Variants in TAFA2 observed in about 807,000 individuals in gnomAD.
The protein encoded by TAFA2 is chemokine-like protein TAFA-2.
A neutral mutation model predicts 18.8 loss-of-function variants in TAFA2; 7 were observed. The observed-to-expected ratio is 0.37, with a 90% CI of 0.21 to 0.70. The LOEUF is 0.70. Ranked by LOEUF, TAFA2 falls within the 30% of genes least tolerant of loss-of-function variation. The probability of loss-of-function intolerance (pLI) is 0.53; values close to 1 mark genes in which losing one functional copy is unlikely to be tolerated. For missense variants in TAFA2, 122 were observed against 158.1 expected (o/e 0.77, Z 1.23); for synonymous variants, 60 against 54.2 (o/e 1.11, Z -0.47).
At chr12:61,880,101 T>G (rs545048626) in intron 1 of TAFA2, 1 of 630,036 alleles carries the variant, frequency 1.6e-6, no homozygotes, top group African/African-American at 1.8e-5. Flanking sequence ...GACAACATCA[T>G]CACTGAGGTC....
chr12:61,931,803 G>T (rs1877566300), intron 1 of TAFA2, among the ~76,000 whole-genome samples: 1 of 152,020 alleles, frequency 6.6e-6, no homozygotes, highest in Non-Finnish European at 1.5e-5. Context: ...AAATCTTCTG[G>T]AACACAAAAA....
At chr12:61,732,795 T>C (rs977302923) in intron 4 of TAFA2, among the ~76,000 whole-genome samples, 1 of 151,924 alleles carries the variant, frequency 6.6e-6, no homozygotes, top group Non-Finnish European at 1.5e-5. Flanking sequence ...AAGATTTTCC[T>C]GCTAAATGTT....
intron 1 of TAFA2, among the ~76,000 whole-genome samples, chr12:61,947,488 A>AGT (rs1878317672): frequency 6.6e-6 from 1 of 152,048 alleles, no homozygotes. Flanking sequence ...TAAATAAATA[A>AGT]AAAAGAATTT....
intron 2 of TAFA2, among the ~76,000 whole-genome samples, chr12:61,796,397 T>C (rs1357257434): frequency 1.3e-5 from 2 of 152,144 alleles, no homozygotes; most frequent in Non-Finnish European, 2.9e-5. Context: ...CAAATAATTA[T>C]TCTAAGTGAA....
At chr12:61,784,857 T>C (rs1870661490) in intron 2 of TAFA2, among the ~76,000 whole-genome samples, 1 of 151,556 alleles carries the variant, frequency 6.6e-6, no homozygotes, top group Non-Finnish European at 1.5e-5. Context: ...ATTGTATATA[T>C]TTATGGAACA....
chr12:61,759,003 ACAGCCAGGAGCACATGGTGAGTTTCCC>A (rs1565624000), intron 2 of TAFA2, among the ~76,000 whole-genome samples: 1 of 151,990 alleles, frequency 6.6e-6, no homozygotes, highest in Non-Finnish European at 1.5e-5. Context: ...TGGTCCTATA[ACAGCCAGGAGCACATGGTGAGTTTCCC>A]CTGATCTCTC....
intron 1 of TAFA2, among the ~76,000 whole-genome samples, chr12:62,061,335 A>G (rs1425508578): frequency 6.6e-6 from 1 of 152,212 alleles, no homozygotes; most frequent in African/African-American, 2.4e-5. Context: ...TGTACTTACC[A>G]TTATGTTACA....
chr12:61,927,069 GAAAAAAAAAAA>G (rs56908081), intron 1 of TAFA2, among the ~76,000 whole-genome samples: 5 of 69,926 alleles, frequency 7.2e-5, no homozygotes, highest in Admixed American at 2.0e-4. Context: ...GTGAGACTCT[GAAAAAAAAAAA>G]AAAAAAAAAA....
intron 1 of TAFA2, among the ~76,000 whole-genome samples, chr12:61,876,074 T>C (rs963476617): frequency 6.6e-6 from 1 of 152,208 alleles, no homozygotes; most frequent in African/African-American, 2.4e-5. Context: ...CTGTATATAA[T>C]ATTCATAATA....
intron 1 of TAFA2, among the ~76,000 whole-genome samples, chr12:62,010,762 C>G (rs1196578753): frequency 6.6e-6 from 1 of 150,384 alleles, no homozygotes; most frequent in African/African-American, 2.5e-5. Context: ...GCCCGGCCCC[C>G]CCGTCTGGGA....
At chr12:62,002,518 C>A (rs1002431991) in intron 1 of TAFA2, among the ~76,000 whole-genome samples, 6 of 152,182 alleles carry the variant, frequency 3.9e-5, no homozygotes, top group Admixed American at 1.3e-4. Context: ...AATTTCCTAG[C>A]TTAGACTCTC....
chr12:61,844,687 C>T (rs1254438847), intron 2 of TAFA2, among the ~76,000 whole-genome samples: 1 of 152,096 alleles, frequency 6.6e-6, no homozygotes, highest in East Asian at 1.9e-4. Flanking sequence ...TATCACAGCA[C>T]AGTTACAGGA....
chr12:62,235,250 G>T, intron 1 of TAFA2: 1 of 654,294 alleles, frequency 1.5e-6, no homozygotes, highest in Non-Finnish European at 2.8e-6. Context: ...GTGGCATACT[G>T]AACTGTGGCC....
chr12:61,838,542 C>G (rs1181814700), intron 2 of TAFA2, among the ~76,000 whole-genome samples: 1 of 151,926 alleles, frequency 6.6e-6, no homozygotes, highest in Non-Finnish European at 1.5e-5. Flanking sequence ...AGTAGTCAGG[C>G]AGGGAGAGCT....
intron 1 of TAFA2, among the ~76,000 whole-genome samples, chr12:62,139,601 C>A (rs2062224275): frequency 6.6e-6 from 1 of 152,200 alleles, no homozygotes; most frequent in Non-Finnish European, 1.5e-5. Flanking sequence ...TAGCCAACAT[C>A]TGCACCAGAG....
At chr12:62,202,949 C>T (rs1160113260) in intron 1 of TAFA2, among the ~76,000 whole-genome samples, 4 of 151,206 alleles carry the variant, frequency 2.6e-5, no homozygotes, top group Middle Eastern at 3.5e-3. Context: ...ACCTCAGCCT[C>T]CTTTGTAGCT....
chr12:61,902,308 G>C (rs972236499), intron 1 of TAFA2, among the ~76,000 whole-genome samples: 2 of 152,060 alleles, frequency 1.3e-5, no homozygotes, highest in African/African-American at 4.8e-5. Context: ...ATGTCAATAC[G>C]TGACTTCTTT....
At chr12:62,123,781 T>TAC (rs71083977) in intron 1 of TAFA2, among the ~76,000 whole-genome samples, 38,182 of 132,544 alleles carry the variant, frequency 0.29, 5,290 homozygotes, top group Non-Finnish European at 0.31. Flanking sequence ...ACCACACACA[T>TAC]ACACACACAC....
intron 1 of TAFA2, among the ~76,000 whole-genome samples, chr12:62,238,342 A>C (rs948337967): frequency 2.6e-4 from 40 of 152,118 alleles, no homozygotes; most frequent in Non-Finnish European, 4.4e-5. Context: ...ATTTGTTTTC[A>C]ATTTTCCGTG....
Sources: gnomAD v4.1 joint callset for allele counts (sites outside exome capture counted in the v4.1 genomes callset) on GRCh38, gnomAD v4.1.1 for gene constraint, MANE v1.5 for transcripts, NCBI Gene and HGNC (gene_info 2026-07-23, HGNC 2026-07-21) for gene names.